The following ABCC4 variants were observed in gnomAD, a reference collection of about 807,000 sequenced individuals.
The protein encoded by ABCC4 is ATP binding cassette subfamily C member 4 (PEL blood group), also known as ATP-binding cassette sub-family C member 4.
ABCC4 carries 102 observed loss-of-function variants against 168.5 expected under a neutral mutation model. That is an observed-to-expected ratio of 0.61 (90% CI 0.52 to 0.71). The LOEUF (loss-of-function observed/expected upper bound fraction) is 0.71. Among genes scored for constraint, ABCC4 ranks in the 30% least tolerant of loss-of-function variants. ABCC4 has a pLI of 0.00. For missense variants in ABCC4, 1,402 were observed against 1,605.8 expected, an observed-to-expected ratio of 0.87 and a Z score of 2.17; for synonymous variants, 617 against 590.7, an observed-to-expected ratio of 1.04 and a Z score of -0.65.
chr13:95,147,866 T>C (rs1170506811), intron 19 of ABCC4, among the ~76,000 whole-genome samples: 1 of 152,178 alleles, frequency 6.6e-6, no homozygotes. Context: ...GGTACTTACA[T>C]GCAAAATTGA....
chr13:95,140,012 A>C (rs935648344), intron 19 of ABCC4, among the ~76,000 whole-genome samples: 1 of 152,194 alleles, frequency 6.6e-6, no homozygotes, highest in Non-Finnish European at 1.5e-5. Context: ...CCAAAGTCAG[A>C]TTCTGTGTGT....
At chr13:95,290,705 CAAAAAAAAA>C (rs55933951) in intron 1 of ABCC4, among the ~76,000 whole-genome samples, 604 of 56,052 alleles carry the variant, frequency 0.011, 7 homozygotes, top group African/African-American at 0.045. Context: ...AACTCTGTCT[CAAAAAAAAA>C]AAAAAAAAAA....
At chr13:95,177,076 T>C (rs2037727960) in intron 13 of ABCC4, among the ~76,000 whole-genome samples, 1 of 152,358 alleles carries the variant, frequency 6.6e-6, no homozygotes, top group Non-Finnish European at 1.5e-5. Context: ...CCTACATGCC[T>C]GTGGGTTTTA....
chr13:95,114,872 G>GA (rs1260747626), intron 20 of ABCC4, among the ~76,000 whole-genome samples: 6 of 152,150 alleles, frequency 3.9e-5, no homozygotes, highest in African/African-American at 1.4e-4. Flanking sequence ...GGGGTAGGGG[G>GA]ATCACAGGAT....
At position 95,194,824 on chromosome 13, in the gene ABCC4, A is replaced by G; in HGVS notation, c.1263+12T>C. 6.3e-7 allele frequency: 1 copy of G among 1,597,800 alleles called. No individual in the cohort carries two copies. Among genetic ancestry groups the G allele is most frequent in the Non-Finnish European group, 8.6e-7 (1 of 1,165,786 alleles). ...CTTCAGCAGTCATGATCTTGCATTA[A>G]GGATATGTTACCTTATCCCAAAAAG... On this transcript the variant is annotated intron_variant, in intron 9 of 30. Coordinates refer to ENST00000645237, the MANE Select transcript of ABCC4 (RefSeq NM_005845.5).
chr13:95,266,280 G>A (rs2040672861), intron 1 of ABCC4: 1 of 152,466 alleles, frequency 6.6e-6, no homozygotes, highest in African/African-American at 2.4e-5. Context: ...ACAGACAGAA[G>A]AGAAGAGAAG....
intron 1 of ABCC4, among the ~76,000 whole-genome samples, chr13:95,299,602 G>A (rs1274758978): frequency 6.6e-6 from 1 of 151,928 alleles, no homozygotes; most frequent in Non-Finnish European, 1.5e-5. Flanking sequence ...TAGTGTTAGT[G>A]TATGATTAGT....
intron 21 of ABCC4, among the ~76,000 whole-genome samples, chr13:95,077,535 G>A (rs1030497598): frequency 6.6e-5 from 10 of 151,882 alleles, no homozygotes; most frequent in African/African-American, 1.2e-4. Context: ...ACTGGGTTTC[G>A]TCACATTGCT....
intron 30 of ABCC4, among the ~76,000 whole-genome samples, chr13:95,027,089 T>C (rs757067938): frequency 2.6e-5 from 4 of 152,108 alleles, no homozygotes; most frequent in African/African-American, 9.7e-5. Flanking sequence ...AATTCCAGGA[T>C]AACATGTGCA....
At chr13:95,033,757 G>A (rs1167103803) in intron 30 of ABCC4, among the ~76,000 whole-genome samples, 1 of 151,304 alleles carries the variant, frequency 6.6e-6, no homozygotes, top group Non-Finnish European at 1.5e-5. Flanking sequence ...CCGCCTCCTC[G>A]GTTCAAGTGA....
chr13:95,221,975 T>C (rs9524841), intron 4 of ABCC4, among the ~76,000 whole-genome samples: 24,279 of 152,168 alleles, frequency 0.16, 2,621 homozygotes, highest in Non-Finnish European at 0.24. Context: ...AAATTAAATA[T>C]ACAGATTTCC....
intron 4 of ABCC4, among the ~76,000 whole-genome samples, chr13:95,220,353 G>A (rs111888921): frequency 0.011 from 1,616 of 152,176 alleles, 21 homozygotes; most frequent in Middle Eastern, 0.031. Flanking sequence ...TTTTACATAC[G>A]TGATTTTCCT....
chr13:95,139,543 C>A (rs2036248693), intron 19 of ABCC4, among the ~76,000 whole-genome samples: 1 of 152,156 alleles, frequency 6.6e-6, no homozygotes, highest in African/African-American at 2.4e-5. Context: ...ACAGCCCATG[C>A]CCAATGGGGC....
chr13:95,061,964 TC>T (rs1221111241), intron 26 of ABCC4, among the ~76,000 whole-genome samples: 1 of 152,084 alleles, frequency 6.6e-6, no homozygotes, highest in Non-Finnish European at 1.5e-5. Flanking sequence ...TCTAGAACAC[TC>T]CTTGAGAGTC....
At position 95,133,182 on chromosome 13, in the gene ABCC4, C is replaced by T. The variant is rs549443333; in HGVS notation, c.2456-17181G>A. Among the ~76,000 whole-genome samples the T allele has an allele frequency of 4.3e-5, 6 of 140,092 alleles. No individual in the cohort carries two copies. In the East Asian group the frequency reaches 6.1e-4, roughly 14 times the overall value. The allele number at this position is 140,092 out of a possible 152,430, so 91.9% of individuals were successfully genotyped here. A position where few individuals can be genotyped will look rare whatever the true frequency, so the allele number is the denominator to read the frequency against. On this transcript the variant is annotated intron_variant, in intron 19 of 30. Transcript: ENST00000645237. Reference sequence around the variant, plus strand: ...AGGCTGGAGTGCAGGGGCACAGTCTCGGCTCACTGCAACCTCCGCCTCCTG... The same window carrying T: ...AGGCTGGAGTGCAGGGGCACAGTCTTGGCTCACTGCAACCTCCGCCTCCTG...
intron 1 of ABCC4, among the ~76,000 whole-genome samples, chr13:95,296,183 C>CAA (rs773434732): frequency 2.3e-4 from 4 of 17,490 alleles, no homozygotes; most frequent in African/African-American, 5.3e-4. Flanking sequence ...CACACACACA[C>CAA]AAAAACACAA....
At chr13:95,129,928 A>C (rs976357252) in intron 19 of ABCC4, among the ~76,000 whole-genome samples, 5 of 152,066 alleles carry the variant, frequency 3.3e-5, no homozygotes, top group Non-Finnish European at 5.9e-5. Flanking sequence ...TACAAAACTT[A>C]TTTGAGTGCA....
chr13:95,144,206 T>C (rs1019144517), intron 19 of ABCC4, among the ~76,000 whole-genome samples: 3 of 151,854 alleles, frequency 2.0e-5, no homozygotes, highest in Non-Finnish European at 4.4e-5. Context: ...GGAAGTACTA[T>C]ATTAAACGTA....
intron 3 of ABCC4, among the ~76,000 whole-genome samples, chr13:95,244,822 A>G (rs2040065201): frequency 1.3e-5 from 2 of 151,610 alleles, no homozygotes; most frequent in Non-Finnish European, 2.9e-5. Context: ...TGCTGCTGCT[A>G]AGCAGTACTG....
Sources: gnomAD v4.1 joint callset for allele counts (sites outside exome capture counted in the v4.1 genomes callset) on GRCh38, gnomAD v4.1.1 for gene constraint, MANE v1.5 for transcripts, NCBI Gene and HGNC (gene_info 2026-07-23, HGNC 2026-07-21) for gene names.